The following ZNF208 variants were observed in gnomAD, a reference collection of about 807,000 sequenced individuals.
ZNF208 encodes zinc finger protein 95.
ZNF208 carries 10 observed loss-of-function variants against 12.1 expected under a neutral mutation model. That is an observed-to-expected ratio of 0.83 (90% CI 0.51 to 1.40). The LOEUF (loss-of-function observed/expected upper bound fraction) is 1.40. ZNF208 is among the 40% of genes most tolerant of loss of function. The probability of loss-of-function intolerance (pLI) is 0.00; values close to 1 mark genes in which losing one functional copy is unlikely to be tolerated. For synonymous variants in ZNF208, 497 were observed against 488.4 expected (o/e 1.02, Z -0.23); for missense variants, 1,652 against 1,485.0 (o/e 1.11, Z -1.85).
Position 21,974,404 on chromosome 19 carries a change from A to G in ZNF208, c.630T>C (p.Phe210=), listed in dbSNP as rs1385233089. The G allele has an allele frequency of 6.2e-7, 1 of 1,613,688 alleles. No homozygotes were observed. The highest frequency in any genetic ancestry group is 8.5e-7 in the Non-Finnish European group (1 of 1,179,824). The change falls in exon 4 of 4, where the codon TTT becomes TTC. Residue 210 remains phenylalanine, a synonymous_variant. Transcript: ENST00000397126. ...AATAAGTAAGGGTTGAGGACCAGTT[A>G]AAAGCTTTGCCACCTTCTTCACATT... ...SYKCEEGGKA[F]NWSSTLTYYK...
chr19:21,948,674 A>G (rs1969848735), intron 4 of ZNF208, among the ~76,000 whole-genome samples: 1 of 152,198 alleles, frequency 6.6e-6, no homozygotes, highest in Admixed American at 6.5e-5. Flanking sequence ...TGACCCTGAT[A>G]CATATATAGA....
chr19:22,004,785 G>C (rs1242183375), intron 1 of ZNF208, among the ~76,000 whole-genome samples: 1 of 152,126 alleles, frequency 6.6e-6, no homozygotes, highest in African/African-American at 2.4e-5. Context: ...AGGACTAAAA[G>C]GGTCAGAAAA....
In ZNF208 at chr19:21,999,213, AATGT is replaced by A. The variant is rs1399220398; in HGVS notation, c.4-10308_4-10305del. ...ATGAATAATTTTATGTACTACTCAT[AATGT>A]ATGTAAGATTTTAAAAAATTATCTG... On this transcript the variant is annotated intron_variant, in intron 1 of 3. Transcript: ENST00000397126. Among the ~76,000 whole-genome samples, 15 of 152,284 alleles carry A rather than the reference AATGT, an allele frequency of 9.9e-5. 1 individual carries two copies. Among genetic ancestry groups the A allele is most frequent in the South Asian group, 4.1e-4 (2 of 4,824 alleles).
chr19:21,977,278 A>C (rs1970449013), intron 3 of ZNF208, among the ~76,000 whole-genome samples: 1 of 152,206 alleles, frequency 6.6e-6, no homozygotes, highest in South Asian at 2.1e-4. Flanking sequence ...AAAATAGAGG[A>C]GGCTGCCAAG....
At position 21,972,013 on chromosome 19, in the gene ZNF208, G is replaced by T. The variant is rs1386236173; in HGVS notation, c.3021C>A (p.Gly1007=). 6.2e-7 allele frequency: 1 copy of T among 1,613,706 alleles called. No homozygotes were observed. The highest frequency in any genetic ancestry group is 8.5e-7 in the Non-Finnish European group (1 of 1,179,868). The change falls in exon 4 of 4, where the codon GGC becomes GGA. Residue 1007 remains glycine, a synonymous_variant. Coordinates refer to ENST00000397126, the MANE Select transcript of ZNF208 (RefSeq NM_007153.3). ...GGTTTGATGACCAGTTGAAAGCTTT[G>T]CCACATTCTTCACATTTGTAGGGTT... is the stretch of plus-strand genomic sequence containing the variant. ...GEKPYKCEEC[G]KAFNWSSNLM...
At chr19:22,009,529 A>C (rs1338621468) in intron 1 of ZNF208, 1 of 152,144 alleles carries the variant, frequency 6.6e-6, no homozygotes, top group African/African-American at 2.4e-5. Flanking sequence ...CAGGTGAATC[A>C]CTTGAAATCA....
At chr19:21,947,131 A>G (rs1468399301) in intron 4 of ZNF208, among the ~76,000 whole-genome samples, 1 of 152,130 alleles carries the variant, frequency 6.6e-6, no homozygotes, top group East Asian at 1.9e-4. Flanking sequence ...ATAATTTCCT[A>G]GCAACAGGGC....
At chr19:21,976,632 C>T (rs147184860) in intron 3 of ZNF208, among the ~76,000 whole-genome samples, 1,888 of 152,256 alleles carry the variant, frequency 0.012, 31 homozygotes, top group African/African-American at 0.042. Flanking sequence ...CCTATCTCAG[C>T]TCACTTGAAC....
intron 4 of ZNF208, among the ~76,000 whole-genome samples, chr19:21,950,304 A>G (rs1385204260): frequency 6.6e-6 from 1 of 152,136 alleles, no homozygotes; most frequent in East Asian, 1.9e-4. Flanking sequence ...AGGCCCTAAA[A>G]TAACCTCTGG....
intron 4 of ZNF208, among the ~76,000 whole-genome samples, chr19:21,951,319 C>G (rs1202149976): frequency 2.0e-5 from 3 of 152,050 alleles, no homozygotes; most frequent in Non-Finnish European, 4.4e-5. Context: ...AAAAAGTTAC[C>G]ATTATAACAT....
intron 1 of ZNF208, among the ~76,000 whole-genome samples, chr19:21,990,740 A>G (rs1478423343): frequency 1.3e-5 from 2 of 152,184 alleles, no homozygotes; most frequent in African/African-American, 2.4e-5. Context: ...ACCCATGAGC[A>G]TGGAATGTTC....
chr19:21,941,560 G>A (rs1969742115), intron 4 of ZNF208: 2 of 390,962 alleles, frequency 5.1e-6, no homozygotes. Flanking sequence ...TTAAACTAAA[G>A]TGTCATGCTT....
intron 3 of ZNF208, among the ~76,000 whole-genome samples, chr19:21,985,214 A>T (rs1970613287): frequency 6.6e-6 from 1 of 152,204 alleles, no homozygotes; most frequent in Non-Finnish European, 1.5e-5. Flanking sequence ...ACAGATAAAA[A>T]CAAAAAGGTC....
chr19:21,977,091 A>G (rs1232761265), intron 3 of ZNF208, among the ~76,000 whole-genome samples: 1 of 152,254 alleles, frequency 6.6e-6, no homozygotes, highest in Non-Finnish European at 1.5e-5. Context: ...ACAAAGAAAG[A>G]TATTAAAAAT....
chr19:22,008,843 A>T (rs1424081640), intron 1 of ZNF208, among the ~76,000 whole-genome samples: 2 of 152,030 alleles, frequency 1.3e-5, no homozygotes, highest in African/African-American at 4.8e-5. Flanking sequence ...TACACTCCAT[A>T]TCTCATGTTG....
At position 21,967,252 on chromosome 19, in the gene ZNF208, C is replaced by T. The variant is rs1342970546; in HGVS notation, c.*3939G>A. 1.3e-5 allele frequency: 2 copies of T among 151,442 alleles called. No homozygotes were observed. Among genetic ancestry groups the T allele is most frequent in the Non-Finnish European group, 2.9e-5 (2 of 67,876 alleles). The allele number at this position is 151,442 out of a possible 1,614,324, so 9.4% of individuals were successfully genotyped here. ...TTATAGAAAAAGGTAGTACAGTTTT[C>T]TTCCACATATGACTAACCAGTTTTC... On this transcript the variant is annotated 3_prime_UTR_variant, in exon 4 of 4. Coordinates refer to ENST00000397126, the MANE Select transcript of ZNF208 (RefSeq NM_007153.3).
intron 1 of ZNF208, among the ~76,000 whole-genome samples, chr19:22,001,007 G>C (rs1023469468): frequency 2.0e-5 from 3 of 152,034 alleles, no homozygotes; most frequent in African/African-American, 7.2e-5. Flanking sequence ...CAAAGCCCTG[G>C]GCTGAGTGCG....
At chr19:22,000,527 A>G (rs929141246) in intron 1 of ZNF208, among the ~76,000 whole-genome samples, 21 of 152,326 alleles carry the variant, frequency 1.4e-4, no homozygotes, top group African/African-American at 5.1e-4. Context: ...CAAAAATACA[A>G]CACACCAGAA....
intron 3 of ZNF208, among the ~76,000 whole-genome samples, chr19:21,976,674 C>G (rs967722363): frequency 6.6e-6 from 1 of 152,146 alleles, no homozygotes; most frequent in African/African-American, 2.4e-5. Flanking sequence ...GATTCTCCTG[C>G]CTCAGACTCC....
Sources: allele counts gnomAD v4.1 joint callset (sites outside exome capture counted in the v4.1 genomes callset), GRCh38; gene constraint gnomAD v4.1.1; transcripts MANE v1.5; gene names NCBI Gene and HGNC (gene_info 2026-07-23, HGNC 2026-07-21).